The following CCDC191 variants were observed in gnomAD, a reference collection of about 807,000 sequenced individuals.
The protein encoded by CCDC191 is coiled-coil domain-containing protein 191.
A neutral mutation model predicts 114.0 loss-of-function variants in CCDC191; 99 were observed. The observed-to-expected ratio is 0.87, with a 90% CI of 0.74 to 1.03. The LOEUF is 1.03. Among genes scored for constraint, CCDC191 ranks in the 50% least tolerant of loss-of-function variants. The probability of loss-of-function intolerance (pLI) is 0.00; values close to 1 mark genes in which losing one functional copy is unlikely to be tolerated. For synonymous variants in CCDC191, 351 were observed against 376.0 expected (o/e 0.93, Z 0.77); for missense variants, 973 against 1,087.0 (o/e 0.90, Z 1.47).
intron 3 of CCDC191, among the ~76,000 whole-genome samples, chr3:114,044,084 T>C (rs957287330): frequency 9.2e-5 from 14 of 151,998 alleles, no homozygotes; most frequent in Admixed American, 7.2e-4. Flanking sequence ...ATACTCTGGA[T>C]TTCAGGGGAG....
intron 9 of CCDC191, among the ~76,000 whole-genome samples, chr3:114,007,791 A>G (rs2075996741): frequency 6.6e-6 from 1 of 152,102 alleles, no homozygotes; most frequent in Admixed American, 6.6e-5. Context: ...TGTTCTTAGT[A>G]CATGAGTTCC....
At chr3:114,016,263 A>G (rs1006522488) in intron 8 of CCDC191, among the ~76,000 whole-genome samples, 1 of 152,228 alleles carries the variant, frequency 6.6e-6, no homozygotes, top group African/African-American at 2.4e-5. Flanking sequence ...GCTCTCTCCT[A>G]TCCCTGAGCT....
intron 6 of CCDC191, among the ~76,000 whole-genome samples, chr3:114,032,201 G>A (rs1284375226): frequency 6.6e-6 from 1 of 152,106 alleles, no homozygotes; most frequent in African/African-American, 2.4e-5. Context: ...TTACTAGAAA[G>A]AGGAATAACA....
In CCDC191 at chr3:113,965,022, A is replaced by G. The variant is rs1939966585; in HGVS notation, c.*133T>C. The G allele has an allele frequency of 6.2e-6, 3 of 485,138 alleles. No individual in the cohort carries two copies. Among genetic ancestry groups the G allele is most frequent in the Non-Finnish European group, 1.1e-5 (3 of 283,148 alleles). The allele number at this position is 485,138 out of a possible 1,614,324, so 30.1% of individuals were successfully genotyped here. On this transcript the variant is annotated 3_prime_UTR_variant, in exon 17 of 17. Coordinates refer to ENST00000295878, the MANE Select transcript of CCDC191 (RefSeq NM_020817.2). ...CAAAGAAGGGAATAAAAATTCTCAA[A>G]ATAATTCCTTTGATCTAAGAAGTAG...
chr3:114,056,284 G>C, intron 1 of CCDC191, 93 bp downstream of exon 1: 1 of 1,192,308 alleles, frequency 8.4e-7, no homozygotes, highest in Middle Eastern at 2.0e-4. Context: ...TCAGGATGAA[G>C]AGGCAGGAAG....
At chr3:114,005,983 A>G in intron 9 of CCDC191, 21 bp from the exon 10 acceptor site, 2 of 1,589,640 alleles carry the variant, frequency 1.3e-6, no homozygotes, top group Non-Finnish European at 1.7e-6. Flanking sequence ...GAAACATGTT[A>G]TAGCTCAACT....
At chr3:114,003,568 G>C in intron 11 of CCDC191, 2 of 985,384 alleles carry the variant, frequency 2.0e-6, no homozygotes, top group Non-Finnish European at 2.4e-6. Flanking sequence ...ATCATCAAAA[G>C]ACTACTTGAA....
At chr3:113,992,261 C>T (rs567478040) in intron 13 of CCDC191, among the ~76,000 whole-genome samples, 49 of 152,260 alleles carry the variant, frequency 3.2e-4, no homozygotes, top group African/African-American at 1.1e-3. Flanking sequence ...ATTCCTCCCA[C>T]GGAGGAAAGT....
chr3:113,990,285 A>G (rs1183559576), intron 13 of CCDC191, among the ~76,000 whole-genome samples: 1 of 152,162 alleles, frequency 6.6e-6, no homozygotes, highest in Non-Finnish European at 1.5e-5. Flanking sequence ...TAGACATTAA[A>G]AAGGTCATAA....
chr3:114,034,506 A>T (rs1302362383), intron 6 of CCDC191, among the ~76,000 whole-genome samples: 2 of 152,200 alleles, frequency 1.3e-5, no homozygotes, highest in Non-Finnish European at 2.9e-5. Flanking sequence ...CTAAGAATAT[A>T]ATACAAAAGA....
Position 113,978,955 on chromosome 3 carries a change from A to G in CCDC191, c.2363T>C (p.Phe788Ser), listed in dbSNP as rs1248130616. ...FLQRKYMLTW[F>S]QRSQESLARK... ...AGCCAGACTTTCCTGACTACGCTGG[A>G]ACCACGTCAGCATGTATTTCCTCTG... Residue 788 changes from phenylalanine to serine, a missense_variant, in exon 15 of 17, where the codon TTC becomes TCC. Physicochemically the swap from Phe to Ser is radical, Grantham distance 155 (BLOSUM62 -2). Coordinates refer to ENST00000295878, the MANE Select transcript of CCDC191 (RefSeq NM_020817.2). 2 of 1,613,948 alleles carry G rather than the reference A, an allele frequency of 1.2e-6. No homozygotes were observed. The highest frequency in any genetic ancestry group is 2.7e-5 in the African/African-American group (2 of 74,918).
chr3:114,032,291 A>C (rs2076417505), intron 6 of CCDC191, among the ~76,000 whole-genome samples: 1 of 152,190 alleles, frequency 6.6e-6, no homozygotes, highest in East Asian at 1.9e-4. Flanking sequence ...AAAAAATAGA[A>C]CTTAAAAAGG....
At chr3:114,026,316 A>C (rs2076320202) in intron 7 of CCDC191, among the ~76,000 whole-genome samples, 1 of 152,254 alleles carries the variant, frequency 6.6e-6, no homozygotes, top group Non-Finnish European at 1.5e-5. Context: ...AACATTTTAG[A>C]TGGAAAATTC....
chr3:113,980,208 A>C (rs1165555804), intron 14 of CCDC191, among the ~76,000 whole-genome samples: 1 of 152,176 alleles, frequency 6.6e-6, no homozygotes, highest in Non-Finnish European at 1.5e-5. Flanking sequence ...CCAGAATGAG[A>C]GGCTTGGGGA....
intron 6 of CCDC191, among the ~76,000 whole-genome samples, chr3:114,034,122 C>T (rs1411929462): frequency 6.6e-6 from 1 of 152,178 alleles, no homozygotes; most frequent in Non-Finnish European, 1.5e-5. Flanking sequence ...TTTCATCTTC[C>T]TCTTATGTCA....
chr3:113,994,640 G>A (rs191558067), intron 13 of CCDC191, among the ~76,000 whole-genome samples: 1 of 146,150 alleles, frequency 6.8e-6, no homozygotes, highest in East Asian at 2.0e-4. Flanking sequence ...CTGGAGTGCA[G>A]TAGCAAAATA....
Position 114,040,122 on chromosome 3 carries a change from G to C in CCDC191, c.415+2581C>G, listed in dbSNP as rs1291320138. 2.0e-5 allele frequency among the ~76,000 whole-genome samples: 3 copies of C among 152,048 alleles called. No individual in the cohort carries two copies. In the South Asian group the frequency reaches 6.2e-4, roughly 32 times the overall value. On this transcript the variant is annotated intron_variant, in intron 4 of 16. Coordinates refer to ENST00000295878, the MANE Select transcript of CCDC191 (RefSeq NM_020817.2). ...ACTGTACCTTTTTTTGATTGGATAT[G>C]TTTAGACACCCAAATACTTACCATT...
chr3:114,025,582 T>A (rs2107713132), intron 7 of CCDC191, among the ~76,000 whole-genome samples: 1 of 152,308 alleles, frequency 6.6e-6, no homozygotes, highest in South Asian at 2.1e-4. Context: ...CAAGAAGGAA[T>A]TCCTTAGTCT....
chr3:114,027,316 AAATAAAATCCAGAATTAGGC>A (rs2076334310), intron 7 of CCDC191, among the ~76,000 whole-genome samples: 2 of 152,188 alleles, frequency 1.3e-5, no homozygotes, highest in African/African-American at 4.8e-5. Flanking sequence ...TGGGAGGAAC[AAATAAAATCCAGAATTAGGC>A]CGGGCGTGGT....
Sources: allele counts gnomAD v4.1 joint callset (sites outside exome capture counted in the v4.1 genomes callset), GRCh38; gene constraint gnomAD v4.1.1; transcripts MANE v1.5; gene names NCBI Gene and HGNC (gene_info 2026-07-23, HGNC 2026-07-21).